Variants in FRMD4A observed in about 807,000 individuals in gnomAD.
FRMD4A encodes FERM domain-containing protein 4A.
In FRMD4A, 29 loss-of-function variants were observed where a neutral mutation model predicts 129.1. The ratio of observed to expected loss-of-function variants is 0.22; its 90% CI spans 0.17 to 0.31. FRMD4A has a LOEUF of 0.31. Among genes scored for constraint, FRMD4A ranks in the 10% least tolerant of loss-of-function variants. The pLI, the probability that FRMD4A is intolerant of heterozygous loss-of-function variation, is 1.00. For synonymous variants in FRMD4A, 634 were observed against 571.6 expected (o/e 1.11, Z -1.56); for missense variants, 1,272 against 1,375.8 (o/e 0.92, Z 1.19).
intron 2 of FRMD4A, among the ~76,000 whole-genome samples, chr10:14,072,684 G>A (rs188605552): frequency 1.4e-3 from 220 of 152,232 alleles, no homozygotes; most frequent in African/African-American, 4.9e-3. Context: ...TTGGGAAAGG[G>A]GAGGGTTTTT....
intron 2 of FRMD4A, among the ~76,000 whole-genome samples, chr10:14,204,629 G>A (rs1217401815): frequency 3.3e-5 from 5 of 151,850 alleles, no homozygotes; most frequent in African/African-American, 7.3e-5. Flanking sequence ...ACAGCACATG[G>A]GGCCCTTAGC....
At chr10:14,279,669 C>A (rs1007005067) in intron 2 of FRMD4A, among the ~76,000 whole-genome samples, 4 of 152,262 alleles carry the variant, frequency 2.6e-5, no homozygotes, top group Non-Finnish European at 4.4e-5. Context: ...GTGTTCTGAA[C>A]ATTAAGGGAA....
At chr10:13,947,599 C>T (rs1385680560) in intron 2 of FRMD4A, among the ~76,000 whole-genome samples, 1 of 149,036 alleles carries the variant, frequency 6.7e-6, no homozygotes, top group Non-Finnish European at 1.5e-5. Flanking sequence ...CATACACACA[C>T]ACACACGTGC....
Position 14,120,666 on chromosome 10 carries a change from G to A in FRMD4A, c.45+209392C>T, listed in dbSNP as rs1838457349. ...TTTTCCACCTTTCCTTGCAGTTAGT[G>A]GAGGGTGAGGGGGAAAACCTGGGAT... On this transcript the variant is annotated intron_variant, in intron 2 of 24. Transcript: ENST00000357447. Among the ~76,000 whole-genome samples the A allele has an allele frequency of 2.0e-5, 3 of 152,344 alleles. 1 individual carries two copies. The highest frequency in any genetic ancestry group is 6.8e-3 in the Middle Eastern group (2 of 294).
chr10:13,791,692 G>A (rs1288834136), intron 5 of FRMD4A, among the ~76,000 whole-genome samples: 1 of 152,138 alleles, frequency 6.6e-6, no homozygotes, highest in Admixed American at 6.5e-5. Context: ...CTTATGCCAA[G>A]GGACATCTGT....
intron 13 of FRMD4A, 142 bp from the exon 14 acceptor site, chr10:13,701,620 C>G: frequency 1.5e-6 from 1 of 681,004 alleles, no homozygotes; most frequent in Admixed American, 2.6e-5. Flanking sequence ...TACACCTAGG[C>G]GTACACACAC....
At position 14,330,755 on chromosome 10, in the gene FRMD4A, T is replaced by G. The variant is rs1385165085; in HGVS notation, c.-240A>C. On this transcript the variant is annotated 5_prime_UTR_variant, in exon 1 of 25. Transcript: ENST00000357447. ...TTACCATCCCCGAGGAGGAAGTCAC[T>G]TAGGAACTGACCCTTCCACCTTCCC... 4 of 398,864 alleles carry G rather than the reference T, an allele frequency of 1.0e-5. No individual in the cohort carries two copies. The highest frequency in any genetic ancestry group is 1.8e-5 in the Non-Finnish European group (4 of 226,396). 24.7% of individuals were successfully genotyped at this position (398,864 alleles called of 1,614,324 possible).
intron 2 of FRMD4A, among the ~76,000 whole-genome samples, chr10:13,996,632 T>G (rs2095623465): frequency 6.6e-6 from 1 of 152,258 alleles, no homozygotes; most frequent in African/African-American, 2.4e-5. Flanking sequence ...TGTAACTGGG[T>G]GAATCCCACA....
chr10:14,061,674 G>A (rs1834821461), intron 2 of FRMD4A, among the ~76,000 whole-genome samples: 1 of 152,048 alleles, frequency 6.6e-6, no homozygotes, highest in Non-Finnish European at 1.5e-5. Flanking sequence ...AAACAAGGGG[G>A]ATTGGCAGGG....
chr10:13,925,253 G>T (rs967035943), intron 2 of FRMD4A, among the ~76,000 whole-genome samples: 1 of 152,038 alleles, frequency 6.6e-6, no homozygotes, highest in African/African-American at 2.4e-5. Flanking sequence ...CTGCACCAAT[G>T]GTGGGGCTTG....
At chr10:14,145,192 C>T (rs956189330) in intron 2 of FRMD4A, among the ~76,000 whole-genome samples, 1 of 152,164 alleles carries the variant, frequency 6.6e-6, no homozygotes, top group Admixed American at 6.5e-5. Context: ...ACAGCAGAAT[C>T]GCTAAGTAAG....
In FRMD4A at chr10:14,248,093, C is replaced by A. The variant is rs78898904; in HGVS notation, c.45+81965G>T. On this transcript the variant is annotated intron_variant, in intron 2 of 24. Coordinates refer to ENST00000357447, the MANE Select transcript of FRMD4A (RefSeq NM_018027.5). ...CTTCCCTCAGCTGCCCAATTCCCCA[C>A]GTAACATGAGCTAGCATTAATTGAG... is the stretch of plus-strand genomic sequence containing the variant. Among the ~76,000 whole-genome samples, 1,442 of 152,284 alleles carry A rather than the reference C, an allele frequency of 9.5e-3. 21 individuals carry two copies. The highest frequency in any genetic ancestry group is 0.032 in the African/African-American group (1,332 of 41,550).
At chr10:13,767,268 T>A (rs2092316390) in intron 6 of FRMD4A, among the ~76,000 whole-genome samples, 1 of 152,000 alleles carries the variant, frequency 6.6e-6, no homozygotes. Flanking sequence ...AGACAGGATC[T>A]CACTGTGTCA....
chr10:13,698,678 C>T (rs1014260778), intron 14 of FRMD4A, among the ~76,000 whole-genome samples: 1 of 152,196 alleles, frequency 6.6e-6, no homozygotes, highest in Non-Finnish European at 1.5e-5. Context: ...TGCCATCTGA[C>T]CAATCACTAA....
chr10:13,948,926 A>G (rs532527215), intron 2 of FRMD4A, among the ~76,000 whole-genome samples: 28 of 149,812 alleles, frequency 1.9e-4, no homozygotes, highest in Non-Finnish European at 3.4e-4. Context: ...TTGGGATTAC[A>G]GGTGTGAGCC....
At chr10:14,109,190 T>A (rs552157199) in intron 2 of FRMD4A, among the ~76,000 whole-genome samples, 7 of 148,684 alleles carry the variant, frequency 4.7e-5, no homozygotes, top group African/African-American at 1.7e-4. Flanking sequence ...AGGGAGATAC[T>A]GGTTGAATAA....
intron 2 of FRMD4A, among the ~76,000 whole-genome samples, chr10:14,299,632 C>G (rs1369982633): frequency 6.6e-6 from 1 of 152,164 alleles, no homozygotes; most frequent in Non-Finnish European, 1.5e-5. Flanking sequence ...CTCTACAGTC[C>G]TTGCCTCCTC....
intron 15 of FRMD4A, among the ~76,000 whole-genome samples, chr10:13,683,241 G>A (rs2084772721): frequency 6.6e-6 from 1 of 152,116 alleles, no homozygotes; most frequent in African/African-American, 2.4e-5. Context: ...ACGAACAGCA[G>A]ACATGCATCC....
intron 6 of FRMD4A, among the ~76,000 whole-genome samples, chr10:13,768,080 ATG>A (rs36052011): frequency 3.7e-4 from 56 of 149,864 alleles, no homozygotes; most frequent in African/African-American, 1.2e-3. Flanking sequence ...GTCTGCAGGT[ATG>A]TGTGTGTGTG....
Sources: allele counts gnomAD v4.1 joint callset (sites outside exome capture counted in the v4.1 genomes callset), GRCh38; gene constraint gnomAD v4.1.1; transcripts MANE v1.5; gene names NCBI Gene and HGNC (gene_info 2026-07-23, HGNC 2026-07-21).